ATP6V1H: variants seen among roughly 807,000 people sequenced by gnomAD.
ATP6V1H encodes V-type proton ATPase subunit H.
A neutral mutation model predicts 71.7 loss-of-function variants in ATP6V1H; 39 were observed. That is an observed-to-expected ratio of 0.54 (90% CI 0.42 to 0.71). ATP6V1H has a LOEUF of 0.71. Among genes scored for constraint, ATP6V1H ranks in the 30% least tolerant of loss-of-function variants. The pLI is 0.00. For missense variants in ATP6V1H, 509 were observed against 594.9 expected, an observed-to-expected ratio of 0.86 and a Z score of 1.50; for synonymous variants, 192 against 199.3, an observed-to-expected ratio of 0.96 and a Z score of 0.31.
Position 53,743,564 on chromosome 8 carries a change from A to C in ATP6V1H, c.1391+13T>G. The C allele has an allele frequency of 1.9e-6, 3 of 1,604,226 alleles. No individual in the cohort carries two copies. In the East Asian group the frequency reaches 6.7e-5, roughly 36 times the overall value. ...GACTAATGTACAAGTGTGAGCAAAA[A>C]GCCGTGGCATACCAGTTGTGCACCA... is the stretch of plus-strand genomic sequence containing the variant. On this transcript the variant is annotated intron_variant, in intron 13 of 13. Transcript: ENST00000359530.
At position 53,795,670 on chromosome 8, in the gene ATP6V1H, T is replaced by C. The variant is rs1585796993; in HGVS notation, c.847A>G (p.Arg283Gly). The change falls in exon 9 of 14, where the codon AGA (arginine) becomes GGA (glycine). Residue 283 changes from arginine to glycine, a missense_variant. Around this residue, in one of 2 missense-constraint regions of ATP6V1H, gnomAD observed 212 missense variants for 291.6 expected, o/e 0.73. Transcript: ENST00000359530. ...LQESVKEKVT[R>G]IILAAFRNFL... is the part of the protein sequence containing the mutation. ...ACACGAAATGCTGCAAGAATGATTC[T>C]TGTTACTTTCTCTTTGACAGACTCC... 5.0e-6 allele frequency: 8 copies of C among 1,612,806 alleles called. No individual in the cohort carries two copies. The highest frequency in any genetic ancestry group is 5.9e-6 in the Non-Finnish European group (7 of 1,179,726).
In ATP6V1H at chr8:53,833,001, G is replaced by C. The variant is rs1412768499; in HGVS notation, c.199C>G (p.Gln67Glu). 1 of 1,612,816 alleles carries C rather than the reference G, an allele frequency of 6.2e-7. No homozygotes were observed. Among genetic ancestry groups the C allele is most frequent in the East Asian group, 2.2e-5 (1 of 44,836 alleles). Residue 67 changes from glutamine to glutamate, a missense_variant, in exon 3 of 14, where the codon CAA becomes GAA. Physicochemically the swap from Gln to Glu is conservative, Grantham distance 29. Coordinates refer to ENST00000359530, the MANE Select transcript of ATP6V1H (RefSeq NM_015941.4). ...TTCATCACCTGGCTGCCTTCAGTTTGAAGCATCTCTTGCTTCTCTTCAGGG... is the reference window on the plus strand; with the variant it reads ...TTCATCACCTGGCTGCCTTCAGTTTCAAGCATCTCTTGCTTCTCTTCAGGG... ...RSPEEKQEML[Q>E]TEGSQCAKTF... is the part of the protein sequence containing the mutation.
chr8:53,800,082 G>A (rs2130430008), intron 8 of ATP6V1H, among the ~76,000 whole-genome samples: 1 of 152,316 alleles, frequency 6.6e-6, no homozygotes, highest in Middle Eastern at 3.4e-3. Flanking sequence ...CTTCAGAGCT[G>A]AGTCTCTGAT....
Position 53,788,886 on chromosome 8 carries a change from G to A in ATP6V1H, c.870+6761C>T, listed in dbSNP as rs184470892. Among the ~76,000 whole-genome samples, 14 of 152,306 alleles carry A rather than the reference G, an allele frequency of 9.2e-5. No homozygotes were observed. The East Asian group carries it at 2.7e-3, about 29-fold the overall frequency. ...GAAAAAACTTAGGAATCTCAGTCTG[G>A]CTCTACACTTATGGTGACTTTTTGA... On this transcript the variant is annotated intron_variant, in intron 9 of 13. Coordinates refer to ENST00000359530, the MANE Select transcript of ATP6V1H (RefSeq NM_015941.4).
intron 4 of ATP6V1H, among the ~76,000 whole-genome samples, chr8:53,827,191 T>C (rs927542163): frequency 1.3e-5 from 2 of 151,956 alleles, no homozygotes; most frequent in Non-Finnish European, 2.9e-5. Context: ...GAGACCAGCC[T>C]GGCCAACATG....
chr8:53,740,748 A>G (rs1453979562), intron 13 of ATP6V1H, among the ~76,000 whole-genome samples: 1 of 152,348 alleles, frequency 6.6e-6, no homozygotes, highest in African/African-American at 2.4e-5. Flanking sequence ...GAAAAAAGGT[A>G]TTGATCCAAA....
chr8:53,827,705 T>C (rs1449681241), intron 4 of ATP6V1H, among the ~76,000 whole-genome samples: 1 of 152,144 alleles, frequency 6.6e-6, no homozygotes, highest in Non-Finnish European at 1.5e-5. Context: ...TATTTCATAA[T>C]CCAGGTACTA....
chr8:53,832,709 C>T (rs1811046601), intron 3 of ATP6V1H: 1 of 250,938 alleles, frequency 4.0e-6, no homozygotes, highest in Non-Finnish European at 7.5e-6. Flanking sequence ...AGTAAGAATA[C>T]CAAGTGGAAA....
intron 13 of ATP6V1H, among the ~76,000 whole-genome samples, chr8:53,724,613 C>T (rs1310443738): frequency 6.9e-6 from 1 of 145,084 alleles, no homozygotes; most frequent in East Asian, 2.0e-4. Flanking sequence ...CCCACCCCGA[C>T]AGCCAAGAGG....
At chr8:53,800,519 G>A (rs1809876419) in intron 8 of ATP6V1H, among the ~76,000 whole-genome samples, 1 of 152,160 alleles carries the variant, frequency 6.6e-6, no homozygotes, top group Non-Finnish European at 1.5e-5. Flanking sequence ...TAAACTGTGA[G>A]TCTCTAGATA....
Position 53,829,432 on chromosome 8 carries a change from G to A in ATP6V1H, c.306+12C>T. ...GAAGTCACCAAATGTGTTAAGTAAA[G>A]AATATACCTACCTGCAGCATATCAT... On this transcript the variant is annotated intron_variant, in intron 4 of 13. Transcript: ENST00000359530. 1 of 1,581,540 alleles carries A rather than the reference G, an allele frequency of 6.3e-7. No individual in the cohort carries two copies. The highest frequency in any genetic ancestry group is 8.6e-7 in the Non-Finnish European group (1 of 1,156,434).
intron 4 of ATP6V1H, among the ~76,000 whole-genome samples, chr8:53,819,425 C>G (rs1480732105): frequency 1.4e-5 from 2 of 147,814 alleles, no homozygotes; most frequent in Non-Finnish European, 3.0e-5. Context: ...TCAGCTACTT[C>G]GGAAGCTGAG....
intron 6 of ATP6V1H, among the ~76,000 whole-genome samples, chr8:53,811,474 C>T (rs1012277075): frequency 3.9e-5 from 6 of 152,118 alleles, no homozygotes; most frequent in African/African-American, 1.4e-4. Context: ...CTACTAAGCT[C>T]CAGGTAAATT....
In ATP6V1H at chr8:53,782,855, C is replaced by T. The variant is rs1440301291; in HGVS notation, c.871-10688G>A. 1.3e-4 allele frequency among the ~76,000 whole-genome samples: 20 copies of T among 152,254 alleles called. No individual in the cohort carries two copies. In the East Asian group the frequency reaches 3.5e-3, roughly 26 times the overall value. On this transcript the variant is annotated intron_variant, in intron 9 of 13. Coordinates refer to ENST00000359530, the MANE Select transcript of ATP6V1H (RefSeq NM_015941.4). ...ATGCTAGATTACGTTTATTGATTTT[C>T]GTATGTTGAACCAGCCTTGCATCCC...
chr8:53,769,893 A>C, intron 10 of ATP6V1H, 150 bp from the exon 11 acceptor site: 1 of 662,868 alleles, frequency 1.5e-6, no homozygotes, highest in Non-Finnish European at 2.4e-6. Context: ...AACTTTAAAC[A>C]GTTTAAATAA....
intron 9 of ATP6V1H, among the ~76,000 whole-genome samples, chr8:53,772,989 T>C (rs1446497384): frequency 6.6e-6 from 1 of 151,898 alleles, no homozygotes; most frequent in Non-Finnish European, 1.5e-5. Context: ...ACAAGTAAGT[T>C]CTATCCCTAA....
intron 12 of ATP6V1H, among the ~76,000 whole-genome samples, chr8:53,755,385 G>A (rs1458891750): frequency 1.3e-5 from 2 of 150,470 alleles, no homozygotes; most frequent in East Asian, 2.0e-4. Flanking sequence ...AGGGACAAGC[G>A]TACTTCTGCA....
At chr8:53,780,622 T>G (rs1809080510) in intron 9 of ATP6V1H, among the ~76,000 whole-genome samples, 1 of 152,166 alleles carries the variant, frequency 6.6e-6, no homozygotes, top group Non-Finnish European at 1.5e-5. Flanking sequence ...CCATGTGCCA[T>G]GTTGGTGTGC....
intron 11 of ATP6V1H, among the ~76,000 whole-genome samples, chr8:53,758,135 T>C (rs1271795313): frequency 6.6e-6 from 1 of 152,210 alleles, no homozygotes; most frequent in Admixed American, 6.5e-5. Context: ...TTTCAAACTA[T>C]GTGTGTTTTT....
Sources: allele counts gnomAD v4.1 joint callset (sites outside exome capture counted in the v4.1 genomes callset), GRCh38; gene constraint gnomAD v4.1.1; regional missense constraint gnomAD v4.1.1; transcripts MANE v1.5; gene names NCBI Gene and HGNC (gene_info 2026-07-23, HGNC 2026-07-21).